Variants in COL4A5 observed in about 807,000 individuals in gnomAD.
The protein encoded by COL4A5 is collagen type IV alpha 5 chain.
Under a neutral mutation model 130.2 loss-of-function variants are expected in COL4A5, and 26 were observed. The ratio of observed to expected loss-of-function variants is 0.20; its 90% CI spans 0.15 to 0.28. The LOEUF (loss-of-function observed/expected upper bound fraction) is 0.28. COL4A5 is among the 10% of genes least tolerant of loss of function. The pLI is 1.00. For missense variants in COL4A5, 1,131 were observed against 1,344.3 expected (o/e 0.84, Z 2.48); for synonymous variants, 496 against 439.6 (o/e 1.13, Z -1.60).
intron 9 of COL4A5, 123 bp from the exon 10 acceptor site, chrX:108,575,787 A>G (rs920180452): frequency 1.6e-5 from 8 of 504,462 alleles, no homozygotes; most frequent in Middle Eastern, 1.1e-3. Context: ...CAGTGAGTTG[A>G]GATCATGCCA....
intron 37 of COL4A5, among the ~76,000 whole-genome samples, chrX:108,663,014 G>C (rs1166845909): frequency 8.9e-6 from 1 of 112,072 alleles, no homozygotes; most frequent in African/African-American, 3.2e-5. Context: ...CATTGCTAAG[G>C]AGAGAATCCA....
At chrX:108,475,281 A>T (rs1254025295) in intron 1 of COL4A5, among the ~76,000 whole-genome samples, 1 of 110,771 alleles carries the variant, frequency 9.0e-6, no homozygotes, top group East Asian at 2.8e-4. Context: ...CTGTTTTATT[A>T]TTTCTTGTAG....
At chrX:108,484,027 A>T (rs1282876263) in intron 1 of COL4A5, among the ~76,000 whole-genome samples, 9 of 111,810 alleles carry the variant, frequency 8.0e-5, no homozygotes, top group Non-Finnish European at 1.7e-4. Context: ...CTCTTGTCAG[A>T]TGGGTAATTT....
Position 108,626,268 on chromosome X carries a change from C to G in COL4A5, c.3165C>G (p.Ser1055=). 8.3e-7 allele frequency: 1 copy of G among 1,209,630 alleles called. No individual in the cohort carries two copies. Among genetic ancestry groups the G allele is most frequent in the Non-Finnish European group, 1.1e-6 (1 of 894,042 alleles). The change falls in exon 36 of 53, where the codon TCC becomes TCG. Residue 1055 remains serine, a synonymous_variant. Transcript: ENST00000328300. ...CTGGAGTTCCTGGACAACCTGGCTCCCCAGGATTACCTGGACAGAAAGGCG... is the reference window on the plus strand; with the variant it reads ...CTGGAGTTCCTGGACAACCTGGCTCGCCAGGATTACCTGGACAGAAAGGCG... ...GPSGVPGQPG[S]PGLPGQKGDK...
At chrX:108,596,858 T>A in intron 22 of COL4A5, 140 bp from the exon 23 acceptor site, 1 of 565,564 alleles carries the variant, frequency 1.8e-6, no homozygotes, top group Non-Finnish European at 3.0e-6. Context: ...AAATGTGACT[T>A]AAATGGGATT....
At chrX:108,525,401 G>T (rs1448628234) in intron 1 of COL4A5, among the ~76,000 whole-genome samples, 2 of 111,480 alleles carry the variant, frequency 1.8e-5, no homozygotes, top group East Asian at 5.6e-4. Context: ...GTGTTCTGTA[G>T]CTGCCATTGG....
chrX:108,523,315 C>A (rs2065283095), intron 1 of COL4A5, among the ~76,000 whole-genome samples: 1 of 111,975 alleles, frequency 8.9e-6, no homozygotes, highest in Admixed American at 9.5e-5. Flanking sequence ...ATATAGGTAT[C>A]CAGTTGTTCC....
chrX:108,580,876 A>G (rs1426642362), intron 15 of COL4A5, 107 bp from the exon 16 acceptor site: 3 of 986,090 alleles, frequency 3.0e-6, no homozygotes, highest in Non-Finnish European at 4.3e-6. Context: ...TAAAAAGTCT[A>G]CTTAATATAG....
rs1374746266 is a variant in COL4A5 at position 108,696,498 on chromosome X, A to G, written c.*120A>G. ...GCTGCCGTCAATGGTGCTACTATAT[A>G]TGATCAAGATAACATGCTGACTAGT... is the stretch of plus-strand genomic sequence containing the variant. On this transcript the variant is annotated 3_prime_UTR_variant, in exon 53 of 53. Coordinates refer to ENST00000328300, the MANE Select transcript of COL4A5 (RefSeq NM_033380.3). 4.3e-5 allele frequency: 22 copies of G among 507,678 alleles called. No individual in the cohort carries two copies. Among genetic ancestry groups the G allele is most frequent in the Non-Finnish European group, 7.4e-5 (22 of 298,691 alleles). 41.8% of individuals were successfully genotyped at this position (507,678 alleles called of 1,213,427 possible).
chrX:108,618,958 G>A (rs1302322025), intron 30 of COL4A5, among the ~76,000 whole-genome samples: 1 of 110,989 alleles, frequency 9.0e-6, no homozygotes, highest in African/African-American at 3.3e-5. Flanking sequence ...CGTTTCAAAA[G>A]ATAAATTATT....
intron 1 of COL4A5, among the ~76,000 whole-genome samples, chrX:108,508,223 A>G (rs1403678176): frequency 9.0e-6 from 1 of 110,796 alleles, no homozygotes; most frequent in East Asian, 2.8e-4. Flanking sequence ...GAAAATCACT[A>G]CCATTCCCAT....
rs770585142 is a variant in COL4A5, at chrX:108,580,597, A to G, written c.834+11A>G. 13 of 1,205,969 alleles carry G rather than the reference A, an allele frequency of 1.1e-5. No individual in the cohort carries two copies. The East Asian group carries it at 1.2e-4, about 11-fold the overall frequency. On this transcript the variant is annotated intron_variant, in intron 14 of 52. Coordinates refer to ENST00000328300, the MANE Select transcript of COL4A5 (RefSeq NM_033380.3). ...ATACGTGGTCCTCCAGTAAGTACCTAAAGTGCTTTAGCATCATTTAATGTA... is the reference window on the plus strand; with the variant it reads ...ATACGTGGTCCTCCAGTAAGTACCTGAAGTGCTTTAGCATCATTTAATGTA...
chrX:108,664,880 G>A (rs1305758037), intron 37 of COL4A5, among the ~76,000 whole-genome samples: 1 of 112,092 alleles, frequency 8.9e-6, no homozygotes, highest in Non-Finnish European at 1.9e-5. Context: ...ATACCCACCA[G>A]AATGTCTGTT....
intron 2 of COL4A5, among the ~76,000 whole-genome samples, chrX:108,556,061 T>C (rs1451034602): frequency 8.9e-6 from 1 of 111,831 alleles, no homozygotes; most frequent in African/African-American, 3.2e-5. Flanking sequence ...GTTAAAGTTA[T>C]TACAAATTTC....
chrX:108,516,318 C>A (rs1327962728), intron 1 of COL4A5, among the ~76,000 whole-genome samples: 1 of 112,095 alleles, frequency 8.9e-6, no homozygotes, highest in Non-Finnish European at 1.9e-5. Flanking sequence ...ACATTCCAGA[C>A]ATATTTATGC....
intron 1 of COL4A5, 48 bp from the exon 2 acceptor site, chrX:108,539,698 T>G (rs774671543): frequency 2.8e-6 from 3 of 1,059,357 alleles, no homozygotes; most frequent in South Asian, 3.7e-5. Context: ...AGAGTCTGAT[T>G]TTTGGGTTCA....
intron 1 of COL4A5, among the ~76,000 whole-genome samples, chrX:108,533,746 A>G (rs1336822444): frequency 9.0e-6 from 1 of 110,905 alleles, no homozygotes; most frequent in Non-Finnish European, 1.9e-5. Flanking sequence ...GGAATAAACA[A>G]CTTGTTGAAT....
intron 34 of COL4A5, 117 bp downstream of exon 34, chrX:108,624,451 G>A: frequency 1.5e-6 from 1 of 656,363 alleles, no homozygotes; most frequent in South Asian, 2.4e-5. Flanking sequence ...ATAAGCTTGG[G>A]TAGCTACTGA....
intron 1 of COL4A5, among the ~76,000 whole-genome samples, chrX:108,530,834 G>A (rs1328623231): frequency 9.2e-6 from 1 of 108,262 alleles, no homozygotes; most frequent in Non-Finnish European, 1.9e-5. Flanking sequence ...AATACCATTC[G>A]ACCCAGCCAT....
Sources: allele counts gnomAD v4.1 joint callset (sites outside exome capture counted in the v4.1 genomes callset), GRCh38; gene constraint gnomAD v4.1.1; transcripts MANE v1.5; gene names NCBI Gene and HGNC (gene_info 2026-07-23, HGNC 2026-07-21).